GRM8: variants seen among roughly 807,000 people sequenced by gnomAD.
GRM8 encodes the protein metabotropic glutamate receptor 8.
In GRM8, 47 loss-of-function variants were observed where a neutral mutation model predicts 87.2. The observed-to-expected ratio is 0.54, with a 90% CI of 0.43 to 0.69. The LOEUF is 0.69. Ranked by LOEUF, GRM8 falls within the 30% of genes least tolerant of loss-of-function variation. The probability of loss-of-function intolerance (pLI) is 0.00; values close to 1 mark genes in which losing one functional copy is unlikely to be tolerated. For synonymous variants in GRM8, 396 were observed against 404.5 expected (o/e 0.98, Z 0.25); for missense variants, 1,019 against 1,139.2 (o/e 0.89, Z 1.52).
At chr7:126,673,872 G>A (rs932004372) in intron 7 of GRM8, among the ~76,000 whole-genome samples, 2 of 152,118 alleles carry the variant, frequency 1.3e-5, no homozygotes, top group African/African-American at 4.8e-5. Context: ...AGACACTCTG[G>A]AGAAGTATTA....
At chr7:126,642,573 G>C (rs1802520304) in intron 7 of GRM8, among the ~76,000 whole-genome samples, 2 of 152,056 alleles carry the variant, frequency 1.3e-5, no homozygotes, top group Admixed American at 1.3e-4. Context: ...CTGGGAGGCA[G>C]ATCTTGCAGT....
intron 3 of GRM8, among the ~76,000 whole-genome samples, chr7:126,982,411 C>T (rs985994250): frequency 1.3e-5 from 2 of 152,180 alleles, no homozygotes; most frequent in African/African-American, 4.8e-5. Context: ...AAGTCCACCC[C>T]TTGACAACTT....
In GRM8 at chr7:126,442,278, T is replaced by C. The variant is rs532865457; in HGVS notation, c.2678-3110A>G. Among the ~76,000 whole-genome samples the C allele has an allele frequency of 3.3e-5, 5 of 152,178 alleles. No individual in the cohort carries two copies. The East Asian group carries it at 5.8e-4, about 18-fold the overall frequency. On this transcript the variant is annotated intron_variant, in intron 10 of 10. Transcript: ENST00000339582. ...TTAACCTTTCCAAAAGGTAAAATAT[T>C]TGTTACATTTGGTTTGGTGTGAAGT...
intron 7 of GRM8, among the ~76,000 whole-genome samples, chr7:126,728,212 T>C (rs1813220549): frequency 4.6e-5 from 7 of 152,070 alleles, no homozygotes; most frequent in Admixed American, 3.3e-4. Context: ...AGCACATGGG[T>C]AGCAAATCAA....
chr7:127,243,694 C>A (rs763730642), intron 1 of GRM8, among the ~76,000 whole-genome samples, 179 bp from the exon 2 acceptor site: 4 of 151,830 alleles, frequency 2.6e-5, no homozygotes, highest in Non-Finnish European at 5.9e-5. Flanking sequence ...GGAGATTGAT[C>A]ATATTTTTGG....
At chr7:126,796,370 A>G (rs1011498119) in intron 6 of GRM8, among the ~76,000 whole-genome samples, 5 of 152,124 alleles carry the variant, frequency 3.3e-5, no homozygotes, top group African/African-American at 1.2e-4. Context: ...CTTGATATCT[A>G]TTAGCATATA....
chr7:126,812,760 G>C (rs1450180884), intron 6 of GRM8, among the ~76,000 whole-genome samples: 1 of 151,960 alleles, frequency 6.6e-6, no homozygotes, highest in African/African-American at 2.4e-5. Flanking sequence ...GCTTACTAGA[G>C]CTTACAATCT....
At chr7:126,729,767 G>C (rs866133393) in intron 7 of GRM8, among the ~76,000 whole-genome samples, 9 of 152,106 alleles carry the variant, frequency 5.9e-5, no homozygotes, top group Non-Finnish European at 8.8e-5. Context: ...AAATCCCACT[G>C]AAGCCTTAAC....
rs982482802 is a variant in GRM8 at position 126,519,466 on chromosome 7, C to T, written c.2430+13486G>A. 7.9e-5 allele frequency among the ~76,000 whole-genome samples: 12 copies of T among 152,160 alleles called. No homozygotes were observed. The East Asian group carries it at 2.3e-3, about 29-fold the overall frequency. On this transcript the variant is annotated intron_variant, in intron 9 of 10. Coordinates refer to ENST00000339582, the MANE Select transcript of GRM8 (RefSeq NM_000845.3). ...ATTTTACTTTAAGAACCCTTAATAG[C>T]ACCACTGAGAGTACACATAGCAATT...
chr7:127,129,115 T>C (rs945793562), intron 2 of GRM8, among the ~76,000 whole-genome samples: 1 of 152,182 alleles, frequency 6.6e-6, no homozygotes, highest in Non-Finnish European at 1.5e-5. Flanking sequence ...TCTATAAGTA[T>C]GTCAAAATTT....
At chr7:126,868,772 A>G (rs533149877) in intron 6 of GRM8, 1 of 152,370 alleles carries the variant, frequency 6.6e-6, no homozygotes, top group African/African-American at 2.4e-5. Flanking sequence ...TGCTTTCAGC[A>G]TGAGCTTCAG....
intron 9 of GRM8, among the ~76,000 whole-genome samples, chr7:126,457,213 T>A (rs1364526993): frequency 2.6e-5 from 4 of 151,354 alleles, no homozygotes; most frequent in African/African-American, 7.3e-5. Flanking sequence ...GTAAAAAAAA[T>A]ATCCACGGTG....
At chr7:126,568,115 TTTTATA>T (rs1030411574) in intron 8 of GRM8, among the ~76,000 whole-genome samples, 34 of 152,248 alleles carry the variant, frequency 2.2e-4, no homozygotes, top group African/African-American at 8.2e-4. Flanking sequence ...TTGCCTACTG[TTTTATA>T]TTAGTTTTAG....
At chr7:126,700,140 A>ATTGTCTGGACTG (rs1251567612) in intron 7 of GRM8, among the ~76,000 whole-genome samples, 4 of 152,188 alleles carry the variant, frequency 2.6e-5, no homozygotes, top group Non-Finnish European at 5.9e-5. Context: ...TCAATTTCAC[A>ATTGTCTGGACTG]TCAGTAACTG....
intron 2 of GRM8, among the ~76,000 whole-genome samples, chr7:127,166,294 T>A (rs977892856): frequency 1.3e-5 from 2 of 152,176 alleles, no homozygotes; most frequent in African/African-American, 4.8e-5. Context: ...TTCCTTCTTC[T>A]TTATGCACAA....
At chr7:126,866,615 G>A (rs1455455452) in intron 6 of GRM8, among the ~76,000 whole-genome samples, 7 of 106,592 alleles carry the variant, frequency 6.6e-5, no homozygotes, top group South Asian at 3.2e-4. Flanking sequence ...TTTTTGAGAC[G>A]GAGTCTTGCT....
intron 2 of GRM8, among the ~76,000 whole-genome samples, chr7:127,194,395 G>T (rs960861848): frequency 4.6e-5 from 7 of 152,110 alleles, no homozygotes; most frequent in Non-Finnish European, 8.8e-5. Flanking sequence ...TATTATCAGG[G>T]TGTCAGATTA....
chr7:127,178,908 G>A (rs1306041659), intron 2 of GRM8, among the ~76,000 whole-genome samples: 1 of 151,918 alleles, frequency 6.6e-6, no homozygotes, highest in East Asian at 1.9e-4. Flanking sequence ...AAATCACACA[G>A]GACCTATAAA....
chr7:126,583,184 C>T (rs1433272846), intron 8 of GRM8, among the ~76,000 whole-genome samples: 1 of 151,966 alleles, frequency 6.6e-6, no homozygotes, highest in Non-Finnish European at 1.5e-5. Flanking sequence ...GGTGAAACCC[C>T]ATCTCTACTA....
Sources: gnomAD v4.1 joint callset for allele counts (sites outside exome capture counted in the v4.1 genomes callset) on GRCh38, gnomAD v4.1.1 for gene constraint, MANE v1.5 for transcripts, NCBI Gene and HGNC (gene_info 2026-07-23, HGNC 2026-07-21) for gene names.